Variants in SGIP1 observed in about 807,000 individuals in gnomAD.
SGIP1 encodes the protein SH3-containing GRB2-like protein 3-interacting protein 1.
In SGIP1, 38 loss-of-function variants were observed where a neutral mutation model predicts 107.5. The ratio of observed to expected loss-of-function variants is 0.35; its 90% CI spans 0.27 to 0.46. The LOEUF (loss-of-function observed/expected upper bound fraction) is 0.46. Among genes scored for constraint, SGIP1 ranks in the 20% least tolerant of loss-of-function variants. The probability of loss-of-function intolerance (pLI) is 1.00; values close to 1 mark genes in which losing one functional copy is unlikely to be tolerated. For synonymous variants in SGIP1, 365 were observed against 366.1 expected (o/e 1.00, Z 0.03); for missense variants, 929 against 1,019.5 (o/e 0.91, Z 1.21).
At chr1:66,541,767 T>C (rs1288621066) in intron 1 of SGIP1, among the ~76,000 whole-genome samples, 1 of 152,208 alleles carries the variant, frequency 6.6e-6, no homozygotes, top group Non-Finnish European at 1.5e-5. Context: ...TAGGGCATTG[T>C]CAAAGATTAT....
At chr1:66,535,812 A>G (rs1383132211) in intron 1 of SGIP1, among the ~76,000 whole-genome samples, 1 of 152,226 alleles carries the variant, frequency 6.6e-6, no homozygotes, top group Non-Finnish European at 1.5e-5. Flanking sequence ...TTATTTATGC[A>G]CTTTTCAATT....
chr1:66,722,022 A>G (rs1237504887), intron 19 of SGIP1, among the ~76,000 whole-genome samples: 1 of 151,958 alleles, frequency 6.6e-6, no homozygotes, highest in Non-Finnish European at 1.5e-5. Flanking sequence ...CCCCAGCCTC[A>G]CCCCGTGGCC....
At chr1:66,596,198 C>T (rs149972802) in intron 1 of SGIP1, among the ~76,000 whole-genome samples, 12 of 152,278 alleles carry the variant, frequency 7.9e-5, no homozygotes, top group Non-Finnish European at 1.3e-4. Flanking sequence ...TACCCACATT[C>T]AGCAGTTCCT....
rs749011562 is a variant in SGIP1, at chr1:66,679,794, A to G, written c.814+42A>G. The G allele has an allele frequency of 9.2e-6, 14 of 1,518,192 alleles. No homozygotes were observed. The South Asian group carries it at 1.7e-4, about 18-fold the overall frequency. 94.0% of individuals were successfully genotyped at this position (1,518,192 alleles called of 1,614,324 possible). A position where few individuals can be genotyped will look rare whatever the true frequency, so the allele number is the denominator to read the frequency against. On this transcript the variant is annotated intron_variant, in intron 14 of 24. Transcript: ENST00000371037. ...TCAGTTCTGGGATGATGTGTCAAAC[A>G]GAGCAGTGGCCCCGGATGAACATGC...
At chr1:66,708,898 T>C (rs2092711545) in intron 18 of SGIP1, among the ~76,000 whole-genome samples, 1 of 152,182 alleles carries the variant, frequency 6.6e-6, no homozygotes, top group Admixed American at 6.5e-5. Context: ...TCCAGTACTC[T>C]CAGTTCTACG....
At chr1:66,631,143 T>C (rs2074595782) in intron 2 of SGIP1, among the ~76,000 whole-genome samples, 2 of 151,752 alleles carry the variant, frequency 1.3e-5, no homozygotes, top group East Asian at 1.9e-4. Flanking sequence ...AAAAAGAGAA[T>C]TGGCTTTGAT....
chr1:66,589,667 A>G (rs1215682741), intron 1 of SGIP1, among the ~76,000 whole-genome samples: 1 of 152,104 alleles, frequency 6.6e-6, no homozygotes, highest in South Asian at 2.1e-4. Flanking sequence ...CAGCCCCTGA[A>G]TTCTCAACAA....
At chr1:66,712,053 A>G (rs973120642) in intron 18 of SGIP1, among the ~76,000 whole-genome samples, 14 of 152,128 alleles carry the variant, frequency 9.2e-5, no homozygotes, top group Admixed American at 8.5e-4. Flanking sequence ...TGTTATCTGA[A>G]TTTAAGCAGG....
chr1:66,573,877 A>G (rs1335786396), intron 1 of SGIP1, among the ~76,000 whole-genome samples: 2 of 152,160 alleles, frequency 1.3e-5, no homozygotes, highest in Non-Finnish European at 2.9e-5. Flanking sequence ...TTACCTGTGT[A>G]ACAAAGCTGC....
At chr1:66,646,548 G>T (rs2077701275) in intron 7 of SGIP1, among the ~76,000 whole-genome samples, 1 of 152,048 alleles carries the variant, frequency 6.6e-6, no homozygotes, top group African/African-American at 2.4e-5. Flanking sequence ...ATGTATCCAT[G>T]AACTATAACC....
chr1:66,671,038 C>T lies in SGIP1; in HGVS notation c.508+19C>T, dbSNP rs746206444. 1 of 1,287,692 alleles carries T rather than the reference C, an allele frequency of 7.8e-7. No homozygotes were observed. Among genetic ancestry groups the T allele is most frequent in the East Asian group, 2.4e-5 (1 of 41,128 alleles). The allele number at this position is 1,287,692 out of a possible 1,614,324, so 79.8% of individuals were successfully genotyped here. ...TTATCCAGTAAGTATATCTTAGCTA[C>T]CAGAAATAGTGTATGATTTAAAAGA... On this transcript the variant is annotated intron_variant, in intron 10 of 24. Coordinates refer to ENST00000371037, the MANE Select transcript of SGIP1 (RefSeq NM_032291.4).
chr1:66,654,585 G>T (rs2079372546), intron 7 of SGIP1, among the ~76,000 whole-genome samples: 1 of 152,024 alleles, frequency 6.6e-6, no homozygotes, highest in African/African-American at 2.4e-5. Flanking sequence ...AGGAGATTTT[G>T]TTTTAGTGGC....
At chr1:66,582,816 T>A (rs11208912) in intron 1 of SGIP1, among the ~76,000 whole-genome samples, 28,428 of 151,546 alleles carry the variant, frequency 0.19, 3,116 homozygotes, top group African/African-American at 0.31. Context: ...CAATTTAGGA[T>A]TTTGTTAAGA....
intron 8 of SGIP1, chr1:66,666,354 A>T (rs111268103): frequency 0.011 from 1,968 of 180,772 alleles, 48 homozygotes; most frequent in African/African-American, 0.044. Flanking sequence ...TACCAGCAGC[A>T]TGCTGTTTTG....
At chr1:66,538,597 C>CAGGA (rs891268967) in intron 1 of SGIP1, among the ~76,000 whole-genome samples, 3 of 152,158 alleles carry the variant, frequency 2.0e-5, no homozygotes, top group African/African-American at 7.2e-5. Flanking sequence ...AAACAAGGTA[C>CAGGA]AGGAAGTTAC....
intron 18 of SGIP1, among the ~76,000 whole-genome samples, chr1:66,712,661 C>T (rs1477750832): frequency 6.6e-6 from 1 of 151,884 alleles, no homozygotes; most frequent in Non-Finnish European, 1.5e-5. Flanking sequence ...TTCTCCTTCC[C>T]CACGTTCATT....
chr1:66,732,400 A>G (rs2094052914), intron 20 of SGIP1, among the ~76,000 whole-genome samples: 1 of 152,142 alleles, frequency 6.6e-6, no homozygotes, highest in Admixed American at 6.5e-5. Context: ...AAAAACTCAG[A>G]TAGCCCTTAC....
At chr1:66,734,187 A>C (rs1386242248) in intron 21 of SGIP1, among the ~76,000 whole-genome samples, 7 of 152,304 alleles carry the variant, frequency 4.6e-5, no homozygotes, top group African/African-American at 1.4e-4. Flanking sequence ...TTGATAAACA[A>C]GATGATTATA....
At chr1:66,638,653 T>C (rs2149452272) in intron 4 of SGIP1, among the ~76,000 whole-genome samples, 1 of 152,326 alleles carries the variant, frequency 6.6e-6, no homozygotes, top group East Asian at 1.9e-4. Flanking sequence ...TGCTAGTCCA[T>C]AGAATGCCCA....
Sources: allele counts gnomAD v4.1 joint callset (sites outside exome capture counted in the v4.1 genomes callset), GRCh38; gene constraint gnomAD v4.1.1; transcripts MANE v1.5; gene names NCBI Gene and HGNC (gene_info 2026-07-23, HGNC 2026-07-21).